The following TEX101 variants were observed in gnomAD, a reference collection of about 807,000 sequenced individuals.
TEX101 encodes testis expressed 101, also known as testis-expressed protein 101.
A neutral mutation model predicts 18.1 loss-of-function variants in TEX101; 10 were observed. The ratio of observed to expected loss-of-function variants is 0.55; its 90% CI spans 0.34 to 0.94. The LOEUF is 0.94. Among genes scored for constraint, TEX101 ranks in the 40% least tolerant of loss-of-function variants. The pLI is 0.02. For synonymous variants in TEX101, 94 were observed against 114.8 expected (o/e 0.82, Z 1.16); for missense variants, 259 against 298.9 (o/e 0.87, Z 0.98).
At chr19:43,417,802 G>A (rs1970495910) in intron 4 of TEX101, 76 bp from the exon 5 acceptor site, 20 of 1,579,264 alleles carry the variant, frequency 1.3e-5, no homozygotes, top group Non-Finnish European at 1.7e-5. Context: ...GAAAATCTTG[G>A]GGAAGAGAAG....
At chr19:43,410,747 TCACA>T (rs1970411790), upstream of TEX101, among the ~76,000 whole-genome samples, 5 of 145,722 alleles carry the variant, frequency 3.4e-5, no homozygotes, top group South Asian at 1.1e-3. Context: ...AGACACACAT[TCACA>T]CACAGCACAC....
At chr19:43,391,151 T>G in the TEX101 span, among the ~76,000 whole-genome samples, 3 of 152,246 alleles carry the variant, frequency 2.0e-5, no homozygotes, top group Non-Finnish European at 4.4e-5. Flanking sequence ...CACGGATGGA[T>G]GGACACTGGG....
At chr19:43,413,571 C>T (rs184566050), upstream of TEX101, among the ~76,000 whole-genome samples, 44 of 152,018 alleles carry the variant, frequency 2.9e-4, no homozygotes, top group East Asian at 9.7e-4. Context: ...CTGAGGCTCC[C>T]GGCCAAATAA....
chr19:43,394,953 A>G, the TEX101 span, among the ~76,000 whole-genome samples: 3 of 152,184 alleles, frequency 2.0e-5, no homozygotes, highest in East Asian at 5.8e-4. Context: ...TTTTACTAAC[A>G]AAAGATCAAT....
intron 3 of TEX101, among the ~76,000 whole-genome samples, chr19:43,408,835 A>G (rs1469056277): frequency 6.6e-6 from 1 of 152,110 alleles, no homozygotes; most frequent in Non-Finnish European, 1.5e-5. Flanking sequence ...GGGATCCCTA[A>G]GGTCACATGG....
At chr19:43,400,728 G>A (rs1970311478), upstream of TEX101, among the ~76,000 whole-genome samples, 1 of 152,038 alleles carries the variant, frequency 6.6e-6, no homozygotes, top group Non-Finnish European at 1.5e-5. Flanking sequence ...TAGCTCTTGT[G>A]TTTTAAATTT....
At chr19:43,410,816 A>G (rs1970412859), upstream of TEX101, among the ~76,000 whole-genome samples, 1 of 152,040 alleles carries the variant, frequency 6.6e-6, no homozygotes, top group Admixed American at 6.6e-5. Flanking sequence ...ACATGCATGC[A>G]CTCACAGTCA....
intron 3 of TEX101, among the ~76,000 whole-genome samples, chr19:43,408,622 G>A (rs569305375): frequency 1.5e-3 from 222 of 152,292 alleles, no homozygotes; most frequent in African/African-American, 5.0e-3. Flanking sequence ...CCCACCGTGA[G>A]AAGTGCCCTC....
At chr19:43,408,152 ATGCCCTC>A (rs1970386305) in intron 3 of TEX101, among the ~76,000 whole-genome samples, 1 of 152,196 alleles carries the variant, frequency 6.6e-6, no homozygotes, top group Non-Finnish European at 1.5e-5. Flanking sequence ...CGAGCCCGCA[ATGCCCTC>A]AGGAGGCGCC....
the TEX101 span, among the ~76,000 whole-genome samples, chr19:43,391,445 T>C: frequency 2.9e-5 from 4 of 139,880 alleles, no homozygotes; most frequent in Non-Finnish European, 6.0e-5. Context: ...ACAACCATCG[T>C]AATGGATGTA....
In TEX101 at chr19:43,418,569, G is replaced by A. The variant is rs1970509157; in HGVS notation, c.*172G>A. On this transcript the variant is annotated 3_prime_UTR_variant, in exon 6 of 6. Transcript: ENST00000598265. Reference sequence around the variant, plus strand: ...TCTGCTATAATTTTTGTATGCAGTAGGCGTTACTAATAAACATTTCTGCTG... The same window carrying A: ...TCTGCTATAATTTTTGTATGCAGTAAGCGTTACTAATAAACATTTCTGCTG... 1.7e-5 allele frequency: 10 copies of A among 600,508 alleles called. No individual in the cohort carries two copies. The highest frequency in any genetic ancestry group is 2.6e-5 in the Non-Finnish European group (9 of 345,250). The allele number at this position is 600,508 out of a possible 1,614,324, so 37.2% of individuals were successfully genotyped here.
intron 3 of TEX101, among the ~76,000 whole-genome samples, chr19:43,407,026 T>G (rs1970372684): frequency 6.6e-6 from 1 of 151,276 alleles, no homozygotes. Context: ...AGCTATGTGA[T>G]CGGCGCTTAA....
chr19:43,390,425 TTTTTC>T, the TEX101 span, among the ~76,000 whole-genome samples: 542 of 150,326 alleles, frequency 3.6e-3, 5 homozygotes, highest in African/African-American at 0.012. Flanking sequence ...TTTAATGACT[TTTTTC>T]TTTTCTTCTC....
rs757203668 is a variant in TEX101 at position 43,418,194 on chromosome 19, A to C, written c.547A>C (p.Lys183Gln). 1 of 1,614,220 alleles carries C rather than the reference A, an allele frequency of 6.2e-7. No homozygotes were observed. Among genetic ancestry groups the C allele is most frequent in the Non-Finnish European group, 8.5e-7 (1 of 1,180,032 alleles). The change falls in exon 6 of 6, where the codon AAA (lysine) becomes CAA (glutamine). Residue 183 changes from lysine to glutamine, a missense_variant. Lys to Gln is a moderately conservative substitution (Grantham distance 53). Coordinates refer to ENST00000598265, the MANE Select transcript of TEX101 (RefSeq NM_001130011.3). ...TGGCATTGAGTCGTCTGTGGAGGTC[A>C]AAGGCTGTACAGCCATGATTGGCTG... Reference protein sequence around the residue: ...GGGIESSVEVKGCTAMIGCRL... With the variant: ...GGGIESSVEVQGCTAMIGCRL...
At chr19:43,417,830 C>T (rs774528006) in intron 4 of TEX101, 48 bp from the exon 5 acceptor site, 1 of 1,610,202 alleles carries the variant, frequency 6.2e-7, no homozygotes, top group Admixed American at 1.7e-5. Context: ...GGAGCAACAT[C>T]TCTGGAGGCA....
chr19:43,406,553 CATT>C (rs775570159), intron 3 of TEX101: 3 of 674,514 alleles, frequency 4.4e-6, no homozygotes, highest in Admixed American at 2.3e-5. Context: ...GGTGAAATTC[CATT>C]ATTAATTGTT....
In TEX101 at chr19:43,416,442, A is replaced by C. The variant is rs1384543601; in HGVS notation, c.278A>C (p.Gln93Pro). 4.3e-6 allele frequency: 7 copies of C among 1,614,220 alleles called. No homozygotes were observed. In the East Asian group the frequency reaches 1.6e-4, roughly 36 times the overall value. ...PEGEEAITIV[Q>P]HSSPPGLIVT... is the part of the protein sequence containing the mutation. ...GGGGAGGAGGCCATAACAATTGTCC[A>C]GCACTCTTCACCTCCCGGCCTGATC... Residue 93 changes from glutamine (Q) to proline (P), a missense_variant, in exon 4 of 6, where the codon CAG becomes CCG. Coordinates refer to ENST00000598265, the MANE Select transcript of TEX101 (RefSeq NM_001130011.3).
chr19:43,389,922 T>C, the TEX101 span, among the ~76,000 whole-genome samples: 161 of 152,304 alleles, frequency 1.1e-3, 1 homozygote, highest in African/African-American at 3.7e-3. Flanking sequence ...CGGGTCTCCC[T>C]GTCTCCACTG....
At chr19:43,397,877 AAT>A (rs1185629623), upstream of TEX101, among the ~76,000 whole-genome samples, 244 of 45,096 alleles carry the variant, frequency 5.4e-3, 2 homozygotes, top group African/African-American at 0.02. Context: ...AATATATAAA[AAT>A]ATATATTATA....
Sources: gnomAD v4.1 joint callset for allele counts (sites outside exome capture counted in the v4.1 genomes callset) on GRCh38, gnomAD v4.1.1 for gene constraint, MANE v1.5 for transcripts, NCBI Gene and HGNC (gene_info 2026-07-23, HGNC 2026-07-21) for gene names.